NDUFA10: variants seen among roughly 807,000 people sequenced by gnomAD.
NDUFA10 encodes NADH dehydrogenase [ubiquinone] 1 alpha subcomplex subunit 10, mitochondrial.
NDUFA10 carries 40 observed loss-of-function variants against 47.8 expected under a neutral mutation model. That is an observed-to-expected ratio of 0.84 (90% confidence interval 0.65 to 1.09). The LOEUF (loss-of-function observed/expected upper bound fraction) is 1.09, where lower values mean the gene tolerates loss of function less well. NDUFA10 is among the 50% of genes least tolerant of loss of function. The pLI is 0.00. For synonymous variants in NDUFA10, 183 were observed against 172.2 expected (o/e 1.06, Z -0.49); for missense variants, 413 against 451.1 (o/e 0.92, Z 0.76).
intron 9 of NDUFA10, among the ~76,000 whole-genome samples, chr2:239,975,457 A>G: frequency 6.6e-6 from 1 of 152,264 alleles, no homozygotes; most frequent in East Asian, 1.9e-4. Flanking sequence ...GGGAAGCAGC[A>G]TGGCCGCCCG....
chr2:239,983,398 T>A (rs982789685), intron 9 of NDUFA10: 7 of 1,425,992 alleles, frequency 4.9e-6, no homozygotes, highest in South Asian at 1.5e-5. Context: ...AGGAATTCTA[T>A]GAATTTCCAG....
intron 4 of NDUFA10, among the ~76,000 whole-genome samples, chr2:239,918,194 C>CA (rs1574777953): frequency 1.3e-5 from 2 of 152,300 alleles, no homozygotes; most frequent in East Asian, 3.9e-4. Context: ...ATGGACCATG[C>CA]ATGCTCTGGC....
chr2:239,966,440 T>C (rs1452978036), intron 9 of NDUFA10, among the ~76,000 whole-genome samples: 1 of 152,128 alleles, frequency 6.6e-6, no homozygotes, highest in Non-Finnish European at 1.5e-5. Flanking sequence ...TGCTTGGGGA[T>C]GTGGCCCAGC....
At chr2:239,904,181 C>CGA (rs2106466636) in intron 4 of NDUFA10, among the ~76,000 whole-genome samples, 2 of 152,290 alleles carry the variant, frequency 1.3e-5, no homozygotes, top group African/African-American at 4.8e-5. Flanking sequence ...ATGGCCAGAA[C>CGA]CTTCCAGTGT....
chr2:239,963,478 C>T (rs187102687), intron 9 of NDUFA10, among the ~76,000 whole-genome samples: 118 of 152,290 alleles, frequency 7.7e-4, no homozygotes, highest in Non-Finnish European at 1.4e-3. Flanking sequence ...CTGTGTCAGA[C>T]GGGCTGTAGG....
intron 4 of NDUFA10, among the ~76,000 whole-genome samples, chr2:239,897,279 AT>A (rs1221129316): frequency 6.6e-6 from 1 of 152,212 alleles, no homozygotes; most frequent in Admixed American, 6.5e-5. Context: ...TCAAGTTTTT[AT>A]TTAGTAAAAA....
At chr2:240,004,399 AAG>A (rs1696855256) in intron 8 of NDUFA10, among the ~76,000 whole-genome samples, 1 of 152,086 alleles carries the variant, frequency 6.6e-6, no homozygotes, top group Admixed American at 6.5e-5. Context: ...GAATGGATAT[AAG>A]TCATATCGTA....
intron 6 of NDUFA10, 96 bp downstream of exon 6, chr2:240,011,521 A>C: frequency 1.1e-6 from 1 of 869,718 alleles, no homozygotes; most frequent in Non-Finnish European, 2.0e-6. Context: ...TATCCACTGC[A>C]GTAAATAAGA....
intron 9 of NDUFA10, among the ~76,000 whole-genome samples, chr2:239,989,838 T>C (rs955729940): frequency 3.9e-5 from 6 of 152,240 alleles, no homozygotes; most frequent in Admixed American, 3.3e-4. Flanking sequence ...ATATGCCTGA[T>C]GAAGAACCTT....
intron 4 of NDUFA10, among the ~76,000 whole-genome samples, chr2:239,948,580 A>G (rs1227209453): frequency 6.6e-6 from 1 of 152,284 alleles, no homozygotes; most frequent in Non-Finnish European, 1.5e-5. Context: ...CAAGGCTAAA[A>G]GCCCCAGCCA....
intron 4 of NDUFA10, among the ~76,000 whole-genome samples, chr2:239,951,125 G>C (rs1156930793): frequency 6.6e-6 from 1 of 152,214 alleles, no homozygotes; most frequent in South Asian, 2.1e-4. Context: ...CTCTGAGTCT[G>C]GATTTTCACT....
At chr2:239,983,641 G>A in intron 9 of NDUFA10, 1 of 1,583,058 alleles carries the variant, frequency 6.3e-7, no homozygotes, top group Non-Finnish European at 8.6e-7. Flanking sequence ...CACGGTGCCA[G>A]GCTGCACTGA....
At chr2:239,986,685 G>T (rs1696015631) in intron 9 of NDUFA10, among the ~76,000 whole-genome samples, 1 of 152,166 alleles carries the variant, frequency 6.6e-6, no homozygotes, top group Non-Finnish European at 1.5e-5. Flanking sequence ...AAGAACGATA[G>T]AAACAGAAAA....
At chr2:239,942,659 TC>T (rs1694378405) in intron 4 of NDUFA10, among the ~76,000 whole-genome samples, 1 of 152,112 alleles carries the variant, frequency 6.6e-6, no homozygotes, top group Admixed American at 6.5e-5. Context: ...TCCTCTGCCT[TC>T]CGCATGTTTA....
At chr2:239,896,644 T>G (rs1366297133) in intron 4 of NDUFA10, among the ~76,000 whole-genome samples, 3 of 152,174 alleles carry the variant, frequency 2.0e-5, no homozygotes, top group Non-Finnish European at 4.4e-5. Flanking sequence ...TCTGGATAAT[T>G]AGGGAAACTT....
chr2:239,914,139 AC>A (rs1693799439), intron 4 of NDUFA10, among the ~76,000 whole-genome samples: 1 of 152,098 alleles, frequency 6.6e-6, no homozygotes, highest in Admixed American at 6.6e-5. Context: ...ATACAGATAC[AC>A]ACACAGAGAT....
chr2:239,951,246 G>A lies in NDUFA10; in HGVS notation c.294+38828C>T, dbSNP rs555999772. ...ATGGGACCCGGGGTGCCCACAGGGC[G>A]TGCGGGAGGGGCCTCGGGAGGGCCA... On this transcript the variant is annotated intron_variant, in intron 4 of 5. Coordinates refer to the NDUFA10 transcript ENST00000419408. Among the ~76,000 whole-genome samples the A allele has an allele frequency of 1.2e-4, 18 of 152,330 alleles. No individual in the cohort carries two copies. In the South Asian group the frequency reaches 1.5e-3, roughly 12 times the overall value.
In NDUFA10 at chr2:239,959,977, A is replaced by C; in HGVS notation, c.*1141T>G. The stretch of plus-strand genomic sequence containing the variant: ...GCATCGTCCTCTGCACCAGCACTGG[A>C]ACTACTGCCCACAGGCGGCTGTGGA... On this transcript the variant is annotated 3_prime_UTR_variant, in exon 10 of 10. Coordinates refer to ENST00000252711, the MANE Select transcript of NDUFA10 (RefSeq NM_004544.4). 2 of 985,480 alleles carry C rather than the reference A, an allele frequency of 2.0e-6. No individual in the cohort carries two copies. Among genetic ancestry groups the C allele is most frequent in the Non-Finnish European group, 2.4e-6 (2 of 829,920 alleles). The allele number at this position is 985,480 out of a possible 1,614,324, so 61.0% of individuals were successfully genotyped here.
At chr2:239,919,064 T>C (rs1693924362) in intron 4 of NDUFA10, among the ~76,000 whole-genome samples, 1 of 152,140 alleles carries the variant, frequency 6.6e-6, no homozygotes, top group South Asian at 2.1e-4. Context: ...CACTTGTCTC[T>C]CCAGGTCTAA....
Sources: allele counts gnomAD v4.1 joint callset (sites outside exome capture counted in the v4.1 genomes callset), GRCh38; gene constraint gnomAD v4.1.1; transcripts MANE v1.5; gene names NCBI Gene and HGNC (gene_info 2026-07-23, HGNC 2026-07-21).